SV2C: variants seen among roughly 807,000 people sequenced by gnomAD.
SV2C encodes the protein synaptic vesicle glycoprotein 2C.
SV2C carries 49 observed loss-of-function variants against 79.7 expected under a neutral mutation model. The observed-to-expected ratio is 0.61, with a 90% CI of 0.49 to 0.78. The LOEUF (loss-of-function observed/expected upper bound fraction) is 0.78. SV2C is among the 30% of genes least tolerant of loss of function. SV2C has a pLI of 0.00. For synonymous variants in SV2C, 334 were observed against 333.2 expected, an observed-to-expected ratio of 1.00 and a Z score of -0.03; for missense variants, 833 against 912.9, an observed-to-expected ratio of 0.91 and a Z score of 1.13.
At chr5:76,321,361 A>G (rs557213360) in intron 12 of SV2C, among the ~76,000 whole-genome samples, 1 of 152,276 alleles carries the variant, frequency 6.6e-6, no homozygotes, top group South Asian at 2.1e-4. Context: ...ACTCAGTGAC[A>G]GCCAAAAAAG....
At chr5:76,042,482 T>G in the SV2C span, among the ~76,000 whole-genome samples, 1 of 152,234 alleles carries the variant, frequency 6.6e-6, no homozygotes, top group Admixed American at 6.5e-5. Flanking sequence ...TCAAAACTAT[T>G]TTTAAGGAGG....
At chr5:76,159,768 T>C (rs2112246285) in intron 2 of SV2C, among the ~76,000 whole-genome samples, 1 of 152,186 alleles carries the variant, frequency 6.6e-6, no homozygotes, top group East Asian at 1.9e-4. Context: ...TCACCTTAAC[T>C]AATTACATCT....
chr5:76,134,076 G>T (rs1748988606), intron 2 of SV2C, among the ~76,000 whole-genome samples: 1 of 152,108 alleles, frequency 6.6e-6, no homozygotes, highest in Non-Finnish European at 1.5e-5. Context: ...ATGACATACG[G>T]TTCTCTTATC....
the SV2C span, among the ~76,000 whole-genome samples, chr5:75,969,572 A>C: frequency 6.6e-6 from 1 of 152,206 alleles, no homozygotes; most frequent in Non-Finnish European, 1.5e-5. Context: ...CAAAGAGACA[A>C]AGAAGGCCAT....
chr5:75,993,717 G>A, the SV2C span, among the ~76,000 whole-genome samples: 3 of 152,036 alleles, frequency 2.0e-5, no homozygotes, highest in East Asian at 1.9e-4. Context: ...GGAGGAGATT[G>A]TCTAGGTCCA....
chr5:75,915,534 T>C, the SV2C span, among the ~76,000 whole-genome samples: 3 of 152,332 alleles, frequency 2.0e-5, no homozygotes, highest in Non-Finnish European at 2.9e-5. Flanking sequence ...CTGCCTAATA[T>C]ATAGTTAGAT....
the SV2C span, among the ~76,000 whole-genome samples, chr5:75,951,912 G>C: frequency 6.6e-6 from 1 of 151,952 alleles, no homozygotes; most frequent in Non-Finnish European, 1.5e-5. Context: ...TTTTCACTAA[G>C]AAACTTGTGA....
the SV2C span, among the ~76,000 whole-genome samples, chr5:76,064,511 C>T: frequency 6.6e-6 from 1 of 152,172 alleles, no homozygotes; most frequent in Non-Finnish European, 1.5e-5. Flanking sequence ...TTGCATATTG[C>T]ACATCACTTG....
At chr5:76,352,870 G>A (rs937276488) in intron 12 of SV2C, among the ~76,000 whole-genome samples, 7 of 150,602 alleles carry the variant, frequency 4.6e-5, no homozygotes, top group Non-Finnish European at 1.0e-4. Context: ...TATTAATATT[G>A]CTCCCATGTG....
At chr5:75,938,432 T>C in the SV2C span, among the ~76,000 whole-genome samples, 4 of 152,158 alleles carry the variant, frequency 2.6e-5, no homozygotes, top group Non-Finnish European at 5.9e-5. Flanking sequence ...GGTAAATAAA[T>C]TGTGGTTTAA....
At chr5:76,052,174 T>A in the SV2C span, among the ~76,000 whole-genome samples, 1 of 152,192 alleles carries the variant, frequency 6.6e-6, no homozygotes, top group African/African-American at 2.4e-5. Context: ...AAGGAAAATG[T>A]TCCTTCTTCC....
chr5:76,289,651 T>C (rs553479932), intron 6 of SV2C, among the ~76,000 whole-genome samples: 44 of 152,344 alleles, frequency 2.9e-4, no homozygotes, highest in Middle Eastern at 3.4e-3. Flanking sequence ...GTCCTCCTTA[T>C]TCACTGCCCT....
intron 2 of SV2C, among the ~76,000 whole-genome samples, chr5:76,140,252 G>A (rs1162486980): frequency 6.6e-6 from 1 of 152,062 alleles, no homozygotes; most frequent in Non-Finnish European, 1.5e-5. Flanking sequence ...TCTTGAGCAT[G>A]TTTTCAGCTT....
At chr5:75,853,356 A>G in the SV2C span, among the ~76,000 whole-genome samples, 1 of 152,074 alleles carries the variant, frequency 6.6e-6, no homozygotes, top group East Asian at 1.9e-4. Context: ...GGAGATCGAG[A>G]CCATCCTGGC....
chr5:76,182,646 C>T lies in SV2C; in HGVS notation c.581-12273C>T, dbSNP rs145215666. ...AGAGCCAGCACGTGAGAGTGAGGCT[C>T]CTTAAATTTTGTGCTCCAGGCACTT... is the stretch of plus-strand genomic sequence containing the variant. On this transcript the variant is annotated intron_variant, in intron 2 of 12. Coordinates refer to ENST00000502798, the MANE Select transcript of SV2C (RefSeq NM_014979.4). Among the ~76,000 whole-genome samples, 700 of 152,264 alleles carry T rather than the reference C, an allele frequency of 4.6e-3. 4 individuals carry two copies. Among genetic ancestry groups the T allele is most frequent in the Non-Finnish European group, 6.1e-3 (414 of 68,028 alleles).
chr5:76,101,976 A>AC (rs1219592556), intron 1 of SV2C, among the ~76,000 whole-genome samples: 2 of 152,070 alleles, frequency 1.3e-5, no homozygotes, highest in Non-Finnish European at 2.9e-5. Context: ...TTTTTATCAC[A>AC]CCCTCAGTCC....
At chr5:75,959,106 G>T in the SV2C span, among the ~76,000 whole-genome samples, 2 of 151,886 alleles carry the variant, frequency 1.3e-5, no homozygotes, top group Admixed American at 6.6e-5. Flanking sequence ...TTAAGCAAGT[G>T]TTCTTTGCAC....
chr5:75,911,100 T>C, the SV2C span: 2 of 1,462,038 alleles, frequency 1.4e-6, no homozygotes, highest in Admixed American at 3.4e-5. Flanking sequence ...GGGAAGATAA[T>C]TCTGAGATCA....
Position 76,301,483 on chromosome 5 carries a change from G to A in SV2C, c.1938G>A (p.Leu646=), listed in dbSNP as rs761838183. The A allele has an allele frequency of 3.5e-5, 57 of 1,613,878 alleles. No individual in the cohort carries two copies. Among genetic ancestry groups the A allele is most frequent in the Non-Finnish European group, 4.7e-5 (56 of 1,179,982 alleles). The change falls in exon 12 of 13, where the codon TTG becomes TTA. Residue 646 remains leucine (L), a synonymous_variant. Coordinates refer to ENST00000502798, the MANE Select transcript of SV2C (RefSeq NM_014979.4). ...MIGMLCLYNG[L]TISAWNSLDV... ...GCATGCTGTGTCTGTACAATGGATT[G>A]ACCATCTCAGCCTGGAACTCTCTTG...
Sources: gnomAD v4.1 joint callset for allele counts (sites outside exome capture counted in the v4.1 genomes callset) on GRCh38, gnomAD v4.1.1 for gene constraint, MANE v1.5 for transcripts, NCBI Gene and HGNC (gene_info 2026-07-23, HGNC 2026-07-21) for gene names.